Variants in CWH43 observed in about 807,000 individuals in gnomAD.
The protein encoded by CWH43 is PGAP2-interacting protein.
A neutral mutation model predicts 85.7 loss-of-function variants in CWH43; 91 were observed. That is an observed-to-expected ratio of 1.06 (90% CI 0.90 to 1.26). CWH43 has a LOEUF of 1.26. Ranked by LOEUF, CWH43 falls within the 50% of genes most tolerant of loss-of-function variation. CWH43 has a pLI of 0.00. For missense variants in CWH43, 869 were observed against 839.2 expected (o/e 1.04, Z -0.44); for synonymous variants, 323 against 293.6 (o/e 1.10, Z -1.02).
rs1439850036 is a variant in CWH43 at position 48,998,548 on chromosome 4, G to T, written c.802G>T (p.Gly268Ter). Residue 268 changes from glycine (G) to a stop codon, truncating the protein, a stop_gained and splice_region_variant, in exon 6 of 16, where the codon GGA (glycine) becomes TGA (stop). Coordinates refer to ENST00000226432, the MANE Select transcript of CWH43 (RefSeq NM_025087.3). LOFTEE classifies it high-confidence loss of function. ...RGTGLIWWVT[G>*]TASAAGLLYL... ...TACTGGTTTGATCTGGTGGGTTACA[G>T]GTATGTGGAATTTACCTGCAGATAG... 1 of 1,611,552 alleles carries T rather than the reference G, an allele frequency of 6.2e-7. No homozygotes were observed. The highest frequency in any genetic ancestry group is 2.2e-5 in the East Asian group (1 of 44,886).
intron 7 of CWH43, among the ~76,000 whole-genome samples, chr4:49,005,126 G>T (rs1196306897): frequency 4.6e-5 from 7 of 151,958 alleles, no homozygotes; most frequent in Non-Finnish European, 7.4e-5. Flanking sequence ...CGATTTCACT[G>T]GTTGTCTACA....
At chr4:49,029,912 G>A (rs1193809276) in intron 10 of CWH43, among the ~76,000 whole-genome samples, 1 of 152,182 alleles carries the variant, frequency 6.6e-6, no homozygotes, top group Non-Finnish European at 1.5e-5. Flanking sequence ...AGTGAAAATA[G>A]TAATCAATAA....
chr4:49,045,706 A>G (rs140374508), intron 14 of CWH43, among the ~76,000 whole-genome samples: 2,042 of 152,138 alleles, frequency 0.013, 27 homozygotes, highest in Non-Finnish European at 0.021. Context: ...CTTATGACAC[A>G]TTTCTTTCTT....
At chr4:49,044,544 G>T (rs1784562508) in intron 13 of CWH43, among the ~76,000 whole-genome samples, 1 of 152,178 alleles carries the variant, frequency 6.6e-6, no homozygotes, top group African/African-American at 2.4e-5. Context: ...TCACTCTCCA[G>T]ACCTCCTTCC....
intron 1 of CWH43, 56 bp from the exon 2 acceptor site, chr4:48,988,421 G>A (rs550261817): frequency 5.1e-5 from 71 of 1,396,954 alleles, no homozygotes; most frequent in Middle Eastern, 1.8e-4. Flanking sequence ...CAGGACTGTC[G>A]TTAGAAACAA....
At chr4:49,061,122 C>T (rs149240806) in intron 15 of CWH43, among the ~76,000 whole-genome samples, 2 of 152,166 alleles carry the variant, frequency 1.3e-5, no homozygotes, top group African/African-American at 4.8e-5. Context: ...CTAAGGAATT[C>T]TTATCTGTTT....
At chr4:49,040,280 C>T (rs1417056295) in intron 13 of CWH43, among the ~76,000 whole-genome samples, 9 of 152,188 alleles carry the variant, frequency 5.9e-5, no homozygotes, top group Non-Finnish European at 1.3e-4. Flanking sequence ...GTGGCTGGGT[C>T]AAATGGTATT....
At chr4:48,994,022 A>C (rs1312448158) in intron 4 of CWH43, among the ~76,000 whole-genome samples, 1 of 152,054 alleles carries the variant, frequency 6.6e-6, no homozygotes, top group Non-Finnish European at 1.5e-5. Context: ...TTGGCCTCCC[A>C]AAGTGCTGGG....
In CWH43 at chr4:49,017,264, T is replaced by C. The variant is rs368746921; in HGVS notation, c.1202T>C (p.Val401Ala). 8.1e-6 allele frequency: 13 copies of C among 1,610,800 alleles called. No homozygotes were observed. In the East Asian group the frequency reaches 1.6e-4, roughly 19 times the overall value. The change falls in exon 9 of 16, where the codon GTT becomes GCT. Residue 401 changes from valine (V) to alanine (A), a missense_variant. Around this residue, in one of 3 missense-constraint regions of CWH43, gnomAD observed 577 missense variants for 513.1 expected, o/e 1.12. Transcript: ENST00000226432. ...TTCTGTTTAGTTCTGTGGCTGCTTG[T>C]TGGTGTGGGATTGTTGGGATTAGGA... ...KYMKLFLWLL[V>A]GVGLLGLGLR...
At chr4:49,012,652 G>A (rs1198112626) in intron 8 of CWH43, among the ~76,000 whole-genome samples, 2 of 152,166 alleles carry the variant, frequency 1.3e-5, no homozygotes, top group Admixed American at 6.6e-5. Flanking sequence ...TGCAGATGGA[G>A]TTTTGGTGTG....
chr4:48,986,339 G>C lies in CWH43; in HGVS notation c.-91G>C. The C allele has an allele frequency of 7.8e-7, 1 of 1,277,750 alleles. No individual in the cohort carries two copies. The highest frequency in any genetic ancestry group is 1.5e-5 in the African/African-American group (1 of 66,744). 79.2% of individuals were successfully genotyped at this position (1,277,750 alleles called of 1,614,324 possible). A position where few individuals can be genotyped will look rare whatever the true frequency, so the allele number is the denominator to read the frequency against. The stretch of plus-strand genomic sequence containing the variant: ...AGGGGCGCGGACGCAGGCCCGGGAG[G>C]ACGCGGCGGCGGGAACCTGGGGGCG... On this transcript the variant is annotated 5_prime_UTR_variant, in exon 1 of 16. Transcript: ENST00000226432.
At chr4:49,046,786 G>C (rs1262529237) in intron 14 of CWH43, among the ~76,000 whole-genome samples, 3 of 152,144 alleles carry the variant, frequency 2.0e-5, no homozygotes, top group African/African-American at 7.2e-5. Flanking sequence ...AGTATGGCAG[G>C]TGGTGGTAGA....
At chr4:48,986,532 G>A (rs536454171) in intron 1 of CWH43, 60 bp downstream of exon 1, 1 of 1,546,664 alleles carries the variant, frequency 6.5e-7, no homozygotes, top group Non-Finnish European at 8.7e-7. Context: ...CATGTCCAGA[G>A]CCGTGGAGCC....
chr4:49,058,451 G>T (rs1785036578), intron 15 of CWH43, among the ~76,000 whole-genome samples: 14 of 152,082 alleles, frequency 9.2e-5, no homozygotes. Flanking sequence ...TGTAGATATA[G>T]TTATTTTAAT....
chr4:48,986,510 A>G, intron 1 of CWH43, 38 bp downstream of exon 1: 3 of 1,550,080 alleles, frequency 1.9e-6, no homozygotes, highest in Non-Finnish European at 2.6e-6. Context: ...CGCGGGTGCC[A>G]GCTCCCCGGG....
At chr4:49,042,864 G>T (rs763407568) in intron 13 of CWH43, among the ~76,000 whole-genome samples, 1 of 152,150 alleles carries the variant, frequency 6.6e-6, no homozygotes, top group African/African-American at 2.4e-5. Context: ...ACCTCAAAAC[G>T]TAGTGGCTTA....
intron 9 of CWH43, among the ~76,000 whole-genome samples, chr4:49,020,877 A>C (rs964055886): frequency 1.3e-5 from 2 of 151,510 alleles, no homozygotes; most frequent in African/African-American, 4.8e-5. Context: ...TTGTCTATTC[A>C]TGTCCTTAGC....
At chr4:49,019,870 G>A (rs1236021578) in intron 9 of CWH43, among the ~76,000 whole-genome samples, 1 of 152,060 alleles carries the variant, frequency 6.6e-6, no homozygotes, top group Non-Finnish European at 1.5e-5. Context: ...GTGAGCCACC[G>A]CACCTAGCCA....
At chr4:48,994,017 C>G (rs1048773283) in intron 4 of CWH43, among the ~76,000 whole-genome samples, 5 of 152,132 alleles carry the variant, frequency 3.3e-5, no homozygotes, top group African/African-American at 1.2e-4. Context: ...CTGCCTTGGC[C>G]TCCCAAAGTG....
Sources: gnomAD v4.1 joint callset for allele counts (sites outside exome capture counted in the v4.1 genomes callset) on GRCh38, gnomAD v4.1.1 for gene constraint, gnomAD v4.1.1 regional missense constraint, MANE v1.5 for transcripts, NCBI Gene and HGNC (gene_info 2026-07-23, HGNC 2026-07-21) for gene names.